The following GALNTL6 variants were observed in gnomAD, a reference collection of about 807,000 sequenced individuals.
GALNTL6 encodes polypeptide N-acetylgalactosaminyltransferase-like 6.
In GALNTL6, 46 loss-of-function variants were observed where a neutral mutation model predicts 73.7. The observed-to-expected ratio is 0.62, with a 90% CI of 0.49 to 0.80. The LOEUF (loss-of-function observed/expected upper bound fraction) is 0.80. GALNTL6 is among the 30% of genes least tolerant of loss of function. GALNTL6 has a pLI of 0.00. For synonymous variants in GALNTL6, 259 were observed against 263.7 expected, an observed-to-expected ratio of 0.98 and a Z score of 0.17; for missense variants, 604 against 755.0, an observed-to-expected ratio of 0.80 and a Z score of 2.34.
intron 5 of GALNTL6, among the ~76,000 whole-genome samples, chr4:172,422,601 A>C (rs868617960): frequency 6.6e-6 from 1 of 151,778 alleles, no homozygotes; most frequent in Non-Finnish European, 1.5e-5. Context: ...GCTGACTTTC[A>C]TGTCATCTAG....
chr4:172,222,548 C>T (rs912484734), intron 2 of GALNTL6, among the ~76,000 whole-genome samples: 2 of 145,216 alleles, frequency 1.4e-5, no homozygotes, highest in African/African-American at 5.2e-5. Context: ...TTTTTTTATC[C>T]TCAAAATAAA....
At chr4:172,824,653 G>A (rs1742138586) in intron 7 of GALNTL6, among the ~76,000 whole-genome samples, 3 of 152,040 alleles carry the variant, frequency 2.0e-5, no homozygotes, top group Admixed American at 1.3e-4. Context: ...AGTCTATGCT[G>A]CTGTCTTCTC....
At chr4:172,330,715 C>A (rs779192738) in intron 4 of GALNTL6, among the ~76,000 whole-genome samples, 2 of 152,092 alleles carry the variant, frequency 1.3e-5, no homozygotes, top group Admixed American at 1.3e-4. Flanking sequence ...TGAAGCTCAG[C>A]GTTTACCAAT....
chr4:172,959,377 T>G (rs548957710), intron 10 of GALNTL6, among the ~76,000 whole-genome samples: 2 of 151,836 alleles, frequency 1.3e-5, no homozygotes, highest in East Asian at 3.9e-4. Flanking sequence ...ATAACTAAAA[T>G]GAGTGCTTAA....
intron 9 of GALNTL6, among the ~76,000 whole-genome samples, chr4:172,948,228 T>C (rs1561050237): frequency 6.6e-6 from 1 of 152,226 alleles, no homozygotes; most frequent in Admixed American, 6.5e-5. Flanking sequence ...GTTTTACTTA[T>C]GTTTAAATGT....
chr4:172,181,666 G>A (rs886581244), intron 2 of GALNTL6, among the ~76,000 whole-genome samples: 13 of 151,404 alleles, frequency 8.6e-5, no homozygotes, highest in African/African-American at 3.1e-4. Context: ...TCAGTTTTCA[G>A]ATGACATGAT....
chr4:172,532,433 C>T (rs1735198335), intron 5 of GALNTL6, among the ~76,000 whole-genome samples: 1 of 152,148 alleles, frequency 6.6e-6, no homozygotes, highest in Admixed American at 6.5e-5. Context: ...CCTGCTGACA[C>T]CTTGAGTTTG....
At chr4:171,943,754 C>G (rs116492565) in intron 2 of GALNTL6, among the ~76,000 whole-genome samples, 1 of 152,114 alleles carries the variant, frequency 6.6e-6, no homozygotes, top group African/African-American at 2.4e-5. Flanking sequence ...AAGATAATCA[C>G]TTCTGAGTTA....
chr4:172,761,267 A>G (rs751655414), intron 5 of GALNTL6, among the ~76,000 whole-genome samples: 1 of 152,188 alleles, frequency 6.6e-6, no homozygotes, highest in African/African-American at 2.4e-5. Context: ...AGAAAACTTT[A>G]TGGAGGATGT....
At chr4:172,067,470 C>T (rs1446747789) in intron 2 of GALNTL6, among the ~76,000 whole-genome samples, 2 of 152,004 alleles carry the variant, frequency 1.3e-5, no homozygotes, top group Admixed American at 1.3e-4. Context: ...CAGCAGACCA[C>T]CAGATGTGTA....
At chr4:172,862,570 T>C (rs973553332) in intron 7 of GALNTL6, among the ~76,000 whole-genome samples, 2 of 152,070 alleles carry the variant, frequency 1.3e-5, no homozygotes, top group Non-Finnish European at 2.9e-5. Flanking sequence ...CATGGTGGCA[T>C]GCACTTGTAG....
At chr4:172,008,637 T>G (rs546583755) in intron 2 of GALNTL6, among the ~76,000 whole-genome samples, 1 of 152,238 alleles carries the variant, frequency 6.6e-6, no homozygotes, top group East Asian at 1.9e-4. Context: ...ACGAACCACC[T>G]TCCTCAAAAC....
At chr4:172,906,797 G>T (rs546594560) in intron 8 of GALNTL6, among the ~76,000 whole-genome samples, 11 of 152,210 alleles carry the variant, frequency 7.2e-5, no homozygotes, top group African/African-American at 2.7e-4. Context: ...GCCAGCAGGA[G>T]AATTTCTCTC....
chr4:172,181,853 C>A (rs1203063485), intron 2 of GALNTL6, among the ~76,000 whole-genome samples: 1 of 151,568 alleles, frequency 6.6e-6, no homozygotes, highest in Admixed American at 6.6e-5. Context: ...GTAGCTGGGA[C>A]TACAGGCACC....
intron 3 of GALNTL6, among the ~76,000 whole-genome samples, chr4:172,257,422 A>T (rs1738117373): frequency 6.6e-6 from 1 of 151,410 alleles, no homozygotes; most frequent in Admixed American, 6.6e-5. Context: ...GAGCTGCAAG[A>T]CTTTAGTCGG....
intron 2 of GALNTL6, among the ~76,000 whole-genome samples, chr4:172,196,993 C>G (rs892838735): frequency 2.0e-5 from 3 of 152,072 alleles, no homozygotes; most frequent in African/African-American, 7.2e-5. Flanking sequence ...AGACTGTAAG[C>G]AAATTGTCTT....
At chr4:172,526,260 A>G (rs1200250489) in intron 5 of GALNTL6, among the ~76,000 whole-genome samples, 3 of 152,204 alleles carry the variant, frequency 2.0e-5, no homozygotes, top group Admixed American at 1.3e-4. Context: ...GTTTCTAAAT[A>G]AAATCCTGGT....
In GALNTL6 at chr4:172,609,601, T is replaced by TTCTC. The variant is rs71592087; in HGVS notation, c.554-199738_554-199735dup. 2.9e-3 allele frequency among the ~76,000 whole-genome samples: 327 copies of TTCTC among 113,872 alleles called. 5 individuals carry two copies. Among genetic ancestry groups the TTCTC allele is most frequent in the African/African-American group, 7.0e-3 (200 of 28,644 alleles). The allele number at this position is 113,872 out of a possible 152,430, so 74.7% of individuals were successfully genotyped here. The stretch of plus-strand genomic sequence containing the variant: ...TCATCAAGGATATTGGCCTGAAGTT[T>TTCTC]TCTCTCTCTCTCTCTCTCTCTCTCT... On this transcript the variant is annotated intron_variant, in intron 5 of 12. Coordinates refer to ENST00000506823, the MANE Select transcript of GALNTL6 (RefSeq NM_001034845.3).
Position 172,575,072 on chromosome 4 carries a change from A to G in GALNTL6, c.553+226383A>G, listed in dbSNP as rs77357077. ...TGTGTACCCAAAGGTCACTTACAGC[A>G]AATGCAGACTCAAATGCAGGGAGGA... On this transcript the variant is annotated intron_variant, in intron 5 of 12. Transcript: ENST00000506823. Among the ~76,000 whole-genome samples, 716 of 152,242 alleles carry G rather than the reference A, an allele frequency of 4.7e-3. 3 individuals are homozygous for G. The highest frequency in any genetic ancestry group is 0.016 in the African/African-American group (678 of 41,532).
Sources: allele counts gnomAD v4.1 joint callset (sites outside exome capture counted in the v4.1 genomes callset), GRCh38; gene constraint gnomAD v4.1.1; transcripts MANE v1.5; gene names NCBI Gene and HGNC (gene_info 2026-07-23, HGNC 2026-07-21).